The following NTM variants were observed in gnomAD, a reference collection of about 807,000 sequenced individuals.
NTM encodes the protein neurotrimin.
In NTM, 13 loss-of-function variants were observed where a neutral mutation model predicts 42.1. That is an observed-to-expected ratio of 0.31 (90% CI 0.20 to 0.49). The LOEUF (loss-of-function observed/expected upper bound fraction) is 0.49, where lower values mean the gene tolerates loss of function less well. NTM is among the 20% of genes least tolerant of loss of function. NTM has a pLI of 0.99. For synonymous variants in NTM, 187 were observed against 179.2 expected, an observed-to-expected ratio of 1.04 and a Z score of -0.35; for missense variants, 373 against 452.8, an observed-to-expected ratio of 0.82 and a Z score of 1.60.
chr11:131,641,344 G>A (rs2065106030), intron 1 of NTM, among the ~76,000 whole-genome samples: 1 of 152,168 alleles, frequency 6.6e-6, no homozygotes, highest in Admixed American at 6.5e-5. Context: ...AAAAAGAGGG[G>A]AGTTAGACTA....
intron 2 of NTM, among the ~76,000 whole-genome samples, chr11:132,094,794 G>A (rs1329096416): frequency 6.6e-6 from 1 of 152,150 alleles, no homozygotes; most frequent in Non-Finnish European, 1.5e-5. Flanking sequence ...GCCCCCATAT[G>A]CTTAAGAAGA....
intron 2 of NTM, among the ~76,000 whole-genome samples, chr11:131,924,452 CT>C (rs1315229847): frequency 6.6e-6 from 1 of 152,106 alleles, no homozygotes; most frequent in African/African-American, 2.4e-5. Flanking sequence ...TATTTTTCCC[CT>C]GAGCACAAAC....
At chr11:132,152,574 C>T (rs2072200407) in intron 3 of NTM, among the ~76,000 whole-genome samples, 1 of 152,194 alleles carries the variant, frequency 6.6e-6, no homozygotes, top group Non-Finnish European at 1.5e-5. Context: ...TGGAGCTCTC[C>T]TCAAAGCACC....
At chr11:132,077,804 T>A (rs1377946293) in intron 2 of NTM, among the ~76,000 whole-genome samples, 1 of 152,220 alleles carries the variant, frequency 6.6e-6, no homozygotes, top group East Asian at 1.9e-4. Flanking sequence ...TCTCCCTTTG[T>A]TGCCCATGCT....
At chr11:131,448,621 G>T (rs1342948976) in intron 1 of NTM, among the ~76,000 whole-genome samples, 1 of 152,222 alleles carries the variant, frequency 6.6e-6, no homozygotes, top group Non-Finnish European at 1.5e-5. Context: ...GTCCATCAGT[G>T]CAGAGCACAT....
intron 2 of NTM, among the ~76,000 whole-genome samples, chr11:132,018,828 T>C (rs893490383): frequency 6.6e-6 from 1 of 152,030 alleles, no homozygotes; most frequent in Admixed American, 6.6e-5. Context: ...TAGAATTCAC[T>C]TCCGAAGTCA....
intron 5 of NTM, among the ~76,000 whole-genome samples, chr11:132,309,483 G>A (rs1372210491): frequency 3.9e-5 from 6 of 152,150 alleles, no homozygotes; most frequent in African/African-American, 1.4e-4. Flanking sequence ...CTGATTAAAG[G>A]TGCTGACTGT....
chr11:131,694,288 T>C (rs928070609), intron 1 of NTM, among the ~76,000 whole-genome samples: 1 of 152,266 alleles, frequency 6.6e-6, no homozygotes, highest in Admixed American at 6.5e-5. Flanking sequence ...CCTTGCAGCA[T>C]CTACTCTTCC....
intron 3 of NTM, among the ~76,000 whole-genome samples, chr11:132,201,953 G>A (rs1350855108): frequency 6.6e-6 from 1 of 152,120 alleles, no homozygotes; most frequent in South Asian, 2.1e-4. Context: ...CCCTTATTAG[G>A]TCTTCAACAA....
chr11:131,936,879 G>C (rs1253772306), intron 2 of NTM, among the ~76,000 whole-genome samples: 2 of 152,120 alleles, frequency 1.3e-5, no homozygotes, highest in Admixed American at 6.5e-5. Context: ...AACAACTCTA[G>C]GAGGTAGATT....
chr11:131,777,459 A>C, intron 1 of NTM, among the ~76,000 whole-genome samples: 1 of 102,236 alleles, frequency 9.8e-6, no homozygotes, highest in Non-Finnish European at 1.8e-5. Flanking sequence ...ACCCCATGCA[A>C]TCCTAGTGTG....
chr11:132,332,172 A>G (rs1016427100), intron 8 of NTM: 11 of 152,282 alleles, frequency 7.2e-5, no homozygotes, highest in African/African-American at 2.2e-4. Context: ...GAGATGGTGC[A>G]GAGTATCTCC....
At chr11:132,190,241 G>T (rs2079082901) in intron 3 of NTM, among the ~76,000 whole-genome samples, 1 of 152,126 alleles carries the variant, frequency 6.6e-6, no homozygotes, top group Admixed American at 6.5e-5. Context: ...AGTGTCATGA[G>T]CCATACTAAT....
At chr11:131,775,200 C>A (rs1030290168) in intron 1 of NTM, among the ~76,000 whole-genome samples, 1 of 152,184 alleles carries the variant, frequency 6.6e-6, no homozygotes, top group African/African-American at 2.4e-5. Flanking sequence ...TTCAGAAAAA[C>A]GATGCCTGTC....
intron 1 of NTM, among the ~76,000 whole-genome samples, chr11:131,490,902 A>G (rs1954705074): frequency 6.6e-6 from 1 of 152,218 alleles, no homozygotes; most frequent in African/African-American, 2.4e-5. Context: ...CATCCTGTCT[A>G]TGCATATTAC....
At chr11:131,794,157 C>T (rs567192614) in intron 1 of NTM, among the ~76,000 whole-genome samples, 16 of 152,166 alleles carry the variant, frequency 1.1e-4, no homozygotes, top group African/African-American at 2.9e-4. Flanking sequence ...TGCCACGGTG[C>T]GTGCTGATCC....
At chr11:132,267,116 T>C (rs1370535658) in intron 4 of NTM, among the ~76,000 whole-genome samples, 1 of 152,214 alleles carries the variant, frequency 6.6e-6, no homozygotes, top group African/African-American at 2.4e-5. Flanking sequence ...ACATGTCTGC[T>C]GTACTCCCTT....
At chr11:131,920,740 C>G (rs1446153113) in intron 2 of NTM, among the ~76,000 whole-genome samples, 1 of 152,094 alleles carries the variant, frequency 6.6e-6, no homozygotes, top group African/African-American at 2.4e-5. Flanking sequence ...TACAATCTTG[C>G]TGATGGATTT....
chr11:131,872,432 G>A (rs2047883807), intron 1 of NTM, among the ~76,000 whole-genome samples: 1 of 152,162 alleles, frequency 6.6e-6, no homozygotes, highest in Admixed American at 6.5e-5. Flanking sequence ...AGGGCCAGTG[G>A]CTGCCTCACA....
Sources: gnomAD v4.1 joint callset for allele counts (sites outside exome capture counted in the v4.1 genomes callset) on GRCh38, gnomAD v4.1.1 for gene constraint, MANE v1.5 for transcripts, NCBI Gene and HGNC (gene_info 2026-07-23, HGNC 2026-07-21) for gene names.